Variants in LRCH3 observed in about 807,000 individuals in gnomAD.
The protein encoded by LRCH3 is leucine rich repeats and calponin homology domain containing 3.
A neutral mutation model predicts 104.5 loss-of-function variants in LRCH3; 68 were observed. That is an observed-to-expected ratio of 0.65 (90% CI 0.54 to 0.80). The LOEUF is 0.80. Ranked by LOEUF, LRCH3 falls within the 30% of genes least tolerant of loss-of-function variation. LRCH3 has a pLI of 0.00. For synonymous variants in LRCH3, 344 were observed against 361.3 expected (o/e 0.95, Z 0.54); for missense variants, 951 against 953.9 (o/e 1.00, Z 0.04).
intron 1 of LRCH3, among the ~76,000 whole-genome samples, chr3:197,811,432 T>A (rs974378077): frequency 1.1e-4 from 17 of 152,162 alleles, no homozygotes; most frequent in African/African-American, 3.6e-4. Context: ...TTTGTCATCA[T>A]CCCTGGCCAT....
At chr3:197,871,611 A>C (rs989680762) in intron 19 of LRCH3, 149 bp downstream of exon 19, 2 of 1,045,540 alleles carry the variant, frequency 1.9e-6, no homozygotes, top group Admixed American at 4.8e-5. Context: ...TCTACTCGAG[A>C]AGAAATAGAC....
intron 17 of LRCH3, among the ~76,000 whole-genome samples, chr3:197,868,916 G>A (rs1711675686): frequency 6.6e-6 from 1 of 152,156 alleles, no homozygotes; most frequent in Non-Finnish European, 1.5e-5. Context: ...CACTTGGTGA[G>A]GAGAATTTTT....
At chr3:197,867,330 C>T (rs545800578) in intron 17 of LRCH3, among the ~76,000 whole-genome samples, 11 of 150,154 alleles carry the variant, frequency 7.3e-5, no homozygotes, top group African/African-American at 2.0e-4. Context: ...GAGGCAGAGT[C>T]GCTTGAACCC....
chr3:197,855,763 G>A (rs1438470660), intron 14 of LRCH3, among the ~76,000 whole-genome samples: 1 of 152,170 alleles, frequency 6.6e-6, no homozygotes, highest in African/African-American at 2.4e-5. Context: ...CCCTTCGGCC[G>A]TTTGTCAAAA....
chr3:197,804,518 G>A (rs929931558), intron 1 of LRCH3, among the ~76,000 whole-genome samples: 1 of 152,144 alleles, frequency 6.6e-6, no homozygotes, highest in African/African-American at 2.4e-5. Flanking sequence ...AAATCCCATC[G>A]TGTATCCAGA....
chr3:197,855,402 C>T (rs558519438), intron 14 of LRCH3, among the ~76,000 whole-genome samples: 1 of 152,324 alleles, frequency 6.6e-6, no homozygotes, highest in South Asian at 2.1e-4. Flanking sequence ...TATTGAGAGC[C>T]TCCGACGATC....
At chr3:197,882,501 T>C (rs1713856016) in intron 20 of LRCH3, 2 of 937,350 alleles carry the variant, frequency 2.1e-6, no homozygotes, top group Admixed American at 6.3e-5. Flanking sequence ...CCTAGTAATA[T>C]CGTCTCAATG....
chr3:197,828,692 CA>C (rs1377402104), intron 5 of LRCH3, among the ~76,000 whole-genome samples: 2 of 143,392 alleles, frequency 1.4e-5, no homozygotes, highest in African/African-American at 5.2e-5. Flanking sequence ...TTTGTACAAG[CA>C]TATGTTACTC....
chr3:197,879,875 G>A (rs1174206013), intron 20 of LRCH3, among the ~76,000 whole-genome samples: 3 of 150,628 alleles, frequency 2.0e-5, no homozygotes, highest in African/African-American at 7.3e-5. Context: ...CAGGAAAGAG[G>A]TTGCTTCACA....
intron 5 of LRCH3, 143 bp from the exon 6 acceptor site, chr3:197,829,421 T>G: frequency 2.1e-6 from 1 of 473,718 alleles, no homozygotes; most frequent in South Asian, 4.6e-5. Context: ...ATAATATAAT[T>G]TATTAGTTTT....
intron 1 of LRCH3, among the ~76,000 whole-genome samples, chr3:197,803,243 G>A (rs1277523811): frequency 6.6e-6 from 1 of 152,142 alleles, no homozygotes; most frequent in Non-Finnish European, 1.5e-5. Context: ...CAGATAATGT[G>A]GTCATGCTTC....
chr3:197,858,951 G>A, intron 15 of LRCH3, 46 bp downstream of exon 15: 1 of 1,458,510 alleles, frequency 6.9e-7, no homozygotes, highest in Non-Finnish European at 9.6e-7. Context: ...GGGAGGAGGT[G>A]GATATAAGGT....
intron 5 of LRCH3, among the ~76,000 whole-genome samples, chr3:197,828,980 A>G (rs750733916): frequency 2.6e-5 from 4 of 152,132 alleles, no homozygotes; most frequent in Non-Finnish European, 5.9e-5. Flanking sequence ...AAGTGCTGCA[A>G]TTACAGGTGT....
At chr3:197,809,133 A>G (rs568489659) in intron 1 of LRCH3, among the ~76,000 whole-genome samples, 1 of 152,004 alleles carries the variant, frequency 6.6e-6, no homozygotes, top group South Asian at 2.1e-4. Context: ...CGTCTTCTCT[A>G]CCAAAAATAC....
At chr3:197,794,421 G>A (rs1157303340) in intron 1 of LRCH3, among the ~76,000 whole-genome samples, 1 of 152,216 alleles carries the variant, frequency 6.6e-6, no homozygotes, top group Non-Finnish European at 1.5e-5. Context: ...AAAAGCCATA[G>A]TCTGTTTTTA....
At chr3:197,880,180 C>T (rs530878388) in intron 20 of LRCH3, among the ~76,000 whole-genome samples, 43 of 151,994 alleles carry the variant, frequency 2.8e-4, no homozygotes, top group Middle Eastern at 3.4e-3. Context: ...CTCCTGACCT[C>T]GTGATCCACC....
intron 11 of LRCH3, 67 bp from the exon 12 acceptor site, chr3:197,847,805 G>A: frequency 6.5e-7 from 1 of 1,527,338 alleles, no homozygotes. Context: ...TCCCTAAATT[G>A]ATAGGGAATA....
intron 19 of LRCH3, among the ~76,000 whole-genome samples, chr3:197,873,408 CG>C (rs1454723028): frequency 2.6e-5 from 4 of 152,072 alleles, no homozygotes; most frequent in Non-Finnish European, 4.4e-5. Context: ...TAGCCAGTGA[CG>C]GACAAGCATG....
chr3:197,865,480 C>A lies in LRCH3; in HGVS notation c.1765+9C>A. 1 of 1,497,396 alleles carries A rather than the reference C, an allele frequency of 6.7e-7. No homozygotes were observed. Among genetic ancestry groups the A allele is most frequent in the Non-Finnish European group, 9.0e-7 (1 of 1,111,784 alleles). 92.8% of individuals were successfully genotyped at this position (1,497,396 alleles called of 1,614,324 possible). ...ACCTGCAACAGAAACAGGTAATAGA[C>A]ACAAAGGTGCAATTAACCACATCAA... On this transcript the variant is annotated intron_variant, in intron 16 of 20. Coordinates refer to ENST00000425562, the MANE Select transcript of LRCH3 (RefSeq NM_001365715.1).
Sources: gnomAD v4.1 joint callset for allele counts (sites outside exome capture counted in the v4.1 genomes callset) on GRCh38, gnomAD v4.1.1 for gene constraint, MANE v1.5 for transcripts, NCBI Gene and HGNC (gene_info 2026-07-23, HGNC 2026-07-21) for gene names.